ARHGEF3: variants seen among roughly 807,000 people sequenced by gnomAD.
ARHGEF3 encodes Rho guanine nucleotide exchange factor 3, also known as 59.8 kDA protein.
ARHGEF3 carries 28 observed loss-of-function variants against 63.2 expected under a neutral mutation model. The ratio of observed to expected loss-of-function variants is 0.44; its 90% confidence interval spans 0.33 to 0.61. The LOEUF is 0.61. Ranked by LOEUF, ARHGEF3 falls within the 20% of genes least tolerant of loss-of-function variation. The pLI is 0.03. For synonymous variants in ARHGEF3, 266 were observed against 254.2 expected (o/e 1.05, Z -0.44); for missense variants, 533 against 659.3 (o/e 0.81, Z 2.10).
intron 4 of ARHGEF3, among the ~76,000 whole-genome samples, chr3:56,856,717 T>TTTTTG (rs2039897821): frequency 6.6e-6 from 1 of 151,130 alleles, no homozygotes; most frequent in Non-Finnish European, 1.5e-5. Context: ...TGTTTTTTTT[T>TTTTTG]TTTAACTTCA....
intron 3 of ARHGEF3, among the ~76,000 whole-genome samples, chr3:56,924,879 C>G (rs2042238112): frequency 6.6e-6 from 1 of 152,192 alleles, no homozygotes; most frequent in Non-Finnish European, 1.5e-5. Flanking sequence ...CTCATGCTAC[C>G]CAGCTCCTAT....
Position 56,992,374 on chromosome 3 carries a change from TTAAAAAAAAAAAAAAAA to T in ARHGEF3, c.63-33502_63-33486del, listed in dbSNP as rs1701783582. Reference sequence around the variant, plus strand: ...AGGTCCTATGGTAGGGAGGATGGCTTTAAAAAAAAAAAAAAAAAAAAAAAAAAAAAAAAAAAAAAACA... The same window carrying T: ...AGGTCCTATGGTAGGGAGGATGGCTTAAAAAAAAAAAAAAAAAAAAAAACA... On this transcript the variant is annotated intron_variant, in intron 2 of 12. Coordinates refer to the ARHGEF3 transcript ENST00000338458. Among the ~76,000 whole-genome samples the T allele has an allele frequency of 1.7e-4, 8 of 46,672 alleles. No individual in the cohort carries two copies. The South Asian group carries it at 5.9e-3, about 34-fold the overall frequency. 30.6% of individuals were successfully genotyped at this position (46,672 alleles called of 152,430 possible).
chr3:56,779,482 T>A (rs543329694), intron 1 of ARHGEF3, among the ~76,000 whole-genome samples: 99 of 150,644 alleles, frequency 6.6e-4, no homozygotes, highest in African/African-American at 2.1e-3. Context: ...AAAAGTTTTT[T>A]TTTATTTTTT....
At chr3:56,766,960 G>A (rs904998919) in intron 2 of ARHGEF3, among the ~76,000 whole-genome samples, 1 of 152,214 alleles carries the variant, frequency 6.6e-6, no homozygotes, top group African/African-American at 2.4e-5. Flanking sequence ...AACAACAGGA[G>A]AGTGATTAAC....
intron 1 of ARHGEF3, among the ~76,000 whole-genome samples, chr3:56,796,712 A>T (rs1159981279): frequency 6.6e-6 from 1 of 152,174 alleles, no homozygotes; most frequent in African/African-American, 2.4e-5. Flanking sequence ...AGTCACTTAG[A>T]GGCAATGTGA....
At chr3:57,024,237 C>T (rs897470252) in intron 2 of ARHGEF3, among the ~76,000 whole-genome samples, 2 of 151,248 alleles carry the variant, frequency 1.3e-5, no homozygotes, top group Non-Finnish European at 2.9e-5. Context: ...ATTGAAGCTT[C>T]CTACATCAAG....
intron 3 of ARHGEF3, among the ~76,000 whole-genome samples, chr3:56,957,395 G>C (rs776850365): frequency 6.6e-6 from 1 of 152,182 alleles, no homozygotes. Flanking sequence ...GCAATCTAAA[G>C]GTAACATGTG....
chr3:56,954,162 A>G (rs1457627367), intron 3 of ARHGEF3, among the ~76,000 whole-genome samples: 1 of 151,986 alleles, frequency 6.6e-6, no homozygotes, highest in Non-Finnish European at 1.5e-5. Flanking sequence ...TCTGTATTTA[A>G]TTAAAACCTC....
At chr3:56,965,085 T>C (rs1259151260) in intron 2 of ARHGEF3, among the ~76,000 whole-genome samples, 1 of 152,094 alleles carries the variant, frequency 6.6e-6, no homozygotes, top group Non-Finnish European at 1.5e-5. Context: ...AAACCAACTC[T>C]ACAAAAAAAA....
intron 3 of ARHGEF3, among the ~76,000 whole-genome samples, chr3:56,918,212 T>C (rs1209250211): frequency 1.3e-5 from 2 of 152,150 alleles, no homozygotes; most frequent in Admixed American, 6.5e-5. Flanking sequence ...CCCTGGGAAA[T>C]GCGGGAGGCT....
intron 3 of ARHGEF3, among the ~76,000 whole-genome samples, chr3:56,948,667 C>T (rs1299223222): frequency 6.6e-6 from 1 of 152,126 alleles, no homozygotes; most frequent in Non-Finnish European, 1.5e-5. Context: ...AGTCCAGGAC[C>T]AGATGGATTC....
intron 3 of ARHGEF3, among the ~76,000 whole-genome samples, chr3:56,889,946 T>C (rs763747483): frequency 5.3e-5 from 8 of 151,904 alleles, no homozygotes; most frequent in Non-Finnish European, 1.0e-4. Context: ...CCTGTAATCA[T>C]AGCTATCCAG....
intron 3 of ARHGEF3, among the ~76,000 whole-genome samples, chr3:56,953,076 G>A (rs1389658744): frequency 6.6e-6 from 1 of 152,166 alleles, no homozygotes; most frequent in Non-Finnish European, 1.5e-5. Flanking sequence ...TCTACCAGGC[G>A]GGACTGCCAC....
chr3:57,023,908 C>A (rs537923706), intron 2 of ARHGEF3, among the ~76,000 whole-genome samples: 1 of 152,312 alleles, frequency 6.6e-6, no homozygotes, highest in South Asian at 2.1e-4. Context: ...TCACAAGAGT[C>A]GGCCTGTGCC....
At chr3:56,852,568 G>A (rs1018342961) in intron 4 of ARHGEF3, among the ~76,000 whole-genome samples, 4 of 151,970 alleles carry the variant, frequency 2.6e-5, no homozygotes, top group Non-Finnish European at 5.9e-5. Flanking sequence ...TCTCTAATGC[G>A]TCAGCAGAAA....
chr3:56,801,967 G>A (rs1386124076), upstream of ARHGEF3: 16 of 1,527,554 alleles, frequency 1.0e-5, 1 homozygote, highest in Admixed American at 1.6e-4. Context: ...GGAGCCGAGT[G>A]GGCGGGACCG....
At chr3:56,828,318 G>A (rs1296869929) in intron 4 of ARHGEF3, among the ~76,000 whole-genome samples, 1 of 152,092 alleles carries the variant, frequency 6.6e-6, no homozygotes, top group Admixed American at 6.6e-5. Flanking sequence ...GGTGGATCAT[G>A]AGGTCAGGAA....
intron 2 of ARHGEF3, among the ~76,000 whole-genome samples, chr3:56,999,401 T>C (rs1702107417): frequency 6.6e-6 from 1 of 152,194 alleles, no homozygotes; most frequent in Admixed American, 6.5e-5. Flanking sequence ...TTATCACAAA[T>C]CATTCTTGCC....
At chr3:56,872,853 A>G (rs763568960) in intron 4 of ARHGEF3, among the ~76,000 whole-genome samples, 7 of 152,248 alleles carry the variant, frequency 4.6e-5, no homozygotes, top group Non-Finnish European at 8.8e-5. Flanking sequence ...TATTTATGGA[A>G]TACTTGTATT....
Sources: allele counts gnomAD v4.1 joint callset (sites outside exome capture counted in the v4.1 genomes callset), GRCh38; gene constraint gnomAD v4.1.1; transcripts MANE v1.5; gene names NCBI Gene and HGNC (gene_info 2026-07-23, HGNC 2026-07-21).